TRHDE: variants seen among roughly 807,000 people sequenced by gnomAD.
The protein encoded by TRHDE is thyrotropin releasing hormone degrading enzyme.
A neutral mutation model predicts 125.7 loss-of-function variants in TRHDE; 72 were observed. The observed-to-expected ratio is 0.57, with a 90% CI of 0.47 to 0.70. The LOEUF is 0.70. Among genes scored for constraint, TRHDE ranks in the 30% least tolerant of loss-of-function variants. The probability of loss-of-function intolerance (pLI) is 0.00; values close to 1 mark genes in which losing one functional copy is unlikely to be tolerated. For missense variants in TRHDE, 1,110 were observed against 1,327.1 expected (o/e 0.84, Z 2.54); for synonymous variants, 509 against 509.1 (o/e 1.00, Z 0.00).
intron 4 of TRHDE, among the ~76,000 whole-genome samples, chr12:72,472,775 G>A (rs1182484083): frequency 6.6e-6 from 1 of 152,132 alleles, no homozygotes; most frequent in East Asian, 1.9e-4. Context: ...TTTGAAGACA[G>A]CTCTCATCAG....
chr12:72,479,472 C>T (rs1877055445), intron 5 of TRHDE, among the ~76,000 whole-genome samples: 1 of 151,912 alleles, frequency 6.6e-6, no homozygotes, highest in African/African-American at 2.4e-5. Context: ...AAGCATAATT[C>T]ATTAGTATTC....
intron 2 of TRHDE, among the ~76,000 whole-genome samples, chr12:72,347,539 A>G (rs774827396): frequency 6.6e-6 from 1 of 151,988 alleles, no homozygotes; most frequent in Non-Finnish European, 1.5e-5. Context: ...CAATCAAGGT[A>G]TTGGCAGGGG....
intron 3 of TRHDE, among the ~76,000 whole-genome samples, chr12:72,418,716 A>G (rs756265765): frequency 5.3e-5 from 8 of 152,254 alleles, no homozygotes; most frequent in Non-Finnish European, 7.4e-5. Flanking sequence ...TAATCCTCAC[A>G]CCAATAATTG....
intron 6 of TRHDE, among the ~76,000 whole-genome samples, chr12:72,541,555 T>C (rs1261721744): frequency 6.6e-6 from 1 of 151,412 alleles, no homozygotes; most frequent in East Asian, 1.9e-4. Flanking sequence ...CAAAAAGAAA[T>C]AGGAAATGAA....
At chr12:72,377,847 C>T (rs1426344508) in intron 2 of TRHDE, 148 bp from the exon 3 acceptor site, 24 of 476,662 alleles carry the variant, frequency 5.0e-5, no homozygotes, top group Admixed American at 2.4e-4. Context: ...GTCCTTTCAG[C>T]CCCACTGTGC....
chr12:72,332,152 T>G (rs1421012034), intron 2 of TRHDE, among the ~76,000 whole-genome samples: 1 of 151,920 alleles, frequency 6.6e-6, no homozygotes, highest in South Asian at 2.1e-4. Context: ...AACTCTTTTT[T>G]TTTTGAGATG....
chr12:72,139,034 T>C (rs753034215), intron 2 of TRHDE, among the ~76,000 whole-genome samples: 21 of 152,176 alleles, frequency 1.4e-4, no homozygotes, highest in Non-Finnish European at 2.2e-4. Context: ...AGAGAATGGA[T>C]TGTGTGAGCA....
At chr12:72,304,289 GA>G (rs1295983847) in intron 2 of TRHDE, among the ~76,000 whole-genome samples, 2 of 151,968 alleles carry the variant, frequency 1.3e-5, no homozygotes, top group Non-Finnish European at 2.9e-5. Context: ...TGTATATTTT[GA>G]ATTTAATATC....
chr12:72,133,009 A>G (rs935998231), intron 2 of TRHDE, among the ~76,000 whole-genome samples: 1 of 152,294 alleles, frequency 6.6e-6, no homozygotes, highest in East Asian at 1.9e-4. Context: ...CAGAGAGGAC[A>G]TGGTGGAGGC....
chr12:72,278,593 C>T (rs1376315997), intron 1 of TRHDE, among the ~76,000 whole-genome samples: 1 of 152,152 alleles, frequency 6.6e-6, no homozygotes, highest in Non-Finnish European at 1.5e-5. Flanking sequence ...TTTTGCTGCA[C>T]ATCCTTGCTA....
At chr12:72,536,093 T>C (rs1235663000) in intron 6 of TRHDE, among the ~76,000 whole-genome samples, 1 of 152,122 alleles carries the variant, frequency 6.6e-6, no homozygotes, top group Non-Finnish European at 1.5e-5. Flanking sequence ...GAGCAAACCA[T>C]TAAGCTAAGA....
intron 2 of TRHDE, among the ~76,000 whole-genome samples, chr12:72,133,640 A>C (rs1592453166): frequency 6.6e-6 from 1 of 151,724 alleles, no homozygotes; most frequent in East Asian, 2.0e-4. Flanking sequence ...TGGGGTAATG[A>C]CTGATATAGA....
intron 14 of TRHDE, chr12:72,621,417 A>G: frequency 1.7e-6 from 1 of 578,440 alleles, no homozygotes. Flanking sequence ...TTAATTTAAG[A>G]TCTACCTTTA....
intron 1 of TRHDE, among the ~76,000 whole-genome samples, chr12:72,103,363 C>T (rs1278188628): frequency 6.6e-6 from 1 of 152,074 alleles, no homozygotes; most frequent in Non-Finnish European, 1.5e-5. Flanking sequence ...GAAAGTCTGC[C>T]ACTTAAAAGA....
At chr12:72,479,012 C>A (rs1279607498) in intron 5 of TRHDE, among the ~76,000 whole-genome samples, 2 of 149,902 alleles carry the variant, frequency 1.3e-5, no homozygotes, top group Non-Finnish European at 3.0e-5. Flanking sequence ...GAGGCTAATG[C>A]AATAACAACC....
At chr12:72,392,959 C>G (rs1872662807) in intron 3 of TRHDE, among the ~76,000 whole-genome samples, 1 of 151,944 alleles carries the variant, frequency 6.6e-6, no homozygotes, top group African/African-American at 2.4e-5. Flanking sequence ...ACACCATATA[C>G]TATATATACT....
chr12:72,299,106 T>A (rs965275599), intron 2 of TRHDE, among the ~76,000 whole-genome samples: 7 of 152,212 alleles, frequency 4.6e-5, no homozygotes, highest in East Asian at 1.9e-4. Flanking sequence ...GGATTTGATA[T>A]CAAATTTCAG....
At chr12:72,609,523 C>G (rs1872563509) in intron 12 of TRHDE, among the ~76,000 whole-genome samples, 1 of 151,974 alleles carries the variant, frequency 6.6e-6, no homozygotes, top group African/African-American at 2.4e-5. Context: ...AATTGCAAGT[C>G]ATAGAGATTT....
chr12:72,193,396 A>G (rs1057435737), intron 2 of TRHDE, among the ~76,000 whole-genome samples: 4 of 152,136 alleles, frequency 2.6e-5, no homozygotes, highest in Admixed American at 2.6e-4. Context: ...ATTAGCATTC[A>G]GGAAGAAATT....
Sources: gnomAD v4.1 joint callset for allele counts (sites outside exome capture counted in the v4.1 genomes callset) on GRCh38, gnomAD v4.1.1 for gene constraint, MANE v1.5 for transcripts, NCBI Gene and HGNC (gene_info 2026-07-23, HGNC 2026-07-21) for gene names.